Variants in AGO4 observed in about 807,000 individuals in gnomAD.
AGO4 encodes protein argonaute-4.
In AGO4, 33 loss-of-function variants were observed where a neutral mutation model predicts 104.7. The observed-to-expected ratio is 0.32, with a 90% confidence interval of 0.24 to 0.42. AGO4 has a LOEUF of 0.42. Ranked by LOEUF, AGO4 falls within the 10% of genes least tolerant of loss-of-function variation. AGO4 has a pLI of 1.00. For synonymous variants in AGO4, 331 were observed against 364.7 expected (o/e 0.91, Z 1.05); for missense variants, 711 against 1,083.4 (o/e 0.66, Z 4.83).
At chr1:35,824,809 C>A (rs77094862) in intron 3 of AGO4, among the ~76,000 whole-genome samples, 2,288 of 152,144 alleles carry the variant, frequency 0.015, 50 homozygotes, top group African/African-American at 0.05. Flanking sequence ...TCAAAAAAAA[C>A]TTATGATGTT....
At chr1:35,814,171 AAG>A (rs1350813129) in intron 1 of AGO4, among the ~76,000 whole-genome samples, 3 of 151,814 alleles carry the variant, frequency 2.0e-5, no homozygotes, top group Non-Finnish European at 4.4e-5. Context: ...AGGAGAGAGA[AAG>A]AAAGATAATT....
chr1:35,816,140 A>G (rs760524752), intron 1 of AGO4, among the ~76,000 whole-genome samples: 4 of 152,200 alleles, frequency 2.6e-5, no homozygotes, highest in African/African-American at 9.7e-5. Context: ...ATCTTCTCCT[A>G]TATGTACAAT....
intron 1 of AGO4, among the ~76,000 whole-genome samples, chr1:35,813,397 A>C (rs532333994): frequency 4.0e-5 from 6 of 151,040 alleles, no homozygotes; most frequent in Admixed American, 4.0e-4. Context: ...TGACAGAGCG[A>C]GACTCCATCT....
At chr1:35,835,664 A>G (rs1476926466) in intron 12 of AGO4, among the ~76,000 whole-genome samples, 170 bp from the exon 13 acceptor site, 1 of 152,078 alleles carries the variant, frequency 6.6e-6, no homozygotes, top group Non-Finnish European at 1.5e-5. Flanking sequence ...ACACAGGGGG[A>G]AAAATTGCCC....
At chr1:35,850,354 T>A in intron 16 of AGO4, 96 bp downstream of exon 16, 1 of 910,456 alleles carries the variant, frequency 1.1e-6, no homozygotes, top group Non-Finnish European at 1.8e-6. Context: ...ACACCGTGCC[T>A]AACTTTGTTA....
At chr1:35,823,085 G>C (rs1386736859) in intron 3 of AGO4, 103 bp downstream of exon 3, 1 of 1,380,484 alleles carries the variant, frequency 7.2e-7, no homozygotes, top group African/African-American at 1.4e-5. Flanking sequence ...ATAAATGTTT[G>C]AGGTGATGAT....
chr1:35,812,670 C>T (rs890940130), intron 1 of AGO4, among the ~76,000 whole-genome samples: 1 of 152,106 alleles, frequency 6.6e-6, no homozygotes, highest in African/African-American at 2.4e-5. Context: ...CGGCTCACTG[C>T]AACCTGCACC....
At position 35,825,824 on chromosome 1, in the gene AGO4, G is replaced by C; in HGVS notation, c.625+9G>C. On this transcript the variant is annotated intron_variant, in intron 5 of 17. Coordinates refer to ENST00000373210, the MANE Select transcript of AGO4 (RefSeq NM_017629.4). Reference sequence around the variant, plus strand: ...GATGCTCAACATTGATGGTAGGATGGAACTCTCTTTATCCAATAACTCTTT... The same window carrying C: ...GATGCTCAACATTGATGGTAGGATGCAACTCTCTTTATCCAATAACTCTTT... 6.3e-7 allele frequency: 1 copy of C among 1,584,702 alleles called. No individual in the cohort carries two copies. The highest frequency in any genetic ancestry group is 8.6e-7 in the Non-Finnish European group (1 of 1,167,204).
chr1:35,826,290 A>G lies in AGO4; in HGVS notation c.760+230A>G, dbSNP rs571809564. On this transcript the variant is annotated intron_variant, in intron 6 of 17. Coordinates refer to ENST00000373210, the MANE Select transcript of AGO4 (RefSeq NM_017629.4). ...GTGAGAATTAAATGCAATTAGGCTT[A>G]TAAAGCTTTCTAGCATAGTACCTGT... Among the ~76,000 whole-genome samples the G allele has an allele frequency of 1.4e-4, 21 of 152,378 alleles. No homozygotes were observed. In the East Asian group the frequency reaches 4.0e-3, roughly 29 times the overall value.
At chr1:35,813,482 C>T (rs1304666492) in intron 1 of AGO4, among the ~76,000 whole-genome samples, 5 of 151,346 alleles carry the variant, frequency 3.3e-5, no homozygotes, top group East Asian at 3.9e-4. Flanking sequence ...GTCAGCTGGG[C>T]GTGGTGGCTC....
intron 17 of AGO4, among the ~76,000 whole-genome samples, chr1:35,852,898 T>C (rs1415119033): frequency 6.6e-6 from 1 of 152,180 alleles, no homozygotes; most frequent in Non-Finnish European, 1.5e-5. Context: ...ATATGGATAC[T>C]GTTAAGGATT....
At chr1:35,809,388 A>G (rs1460854261) in intron 1 of AGO4, among the ~76,000 whole-genome samples, 3 of 152,200 alleles carry the variant, frequency 2.0e-5, no homozygotes, top group Non-Finnish European at 2.9e-5. Flanking sequence ...CTTTACCTAC[A>G]TAATGAACTT....
intron 7 of AGO4, among the ~76,000 whole-genome samples, chr1:35,829,588 G>T (rs1002181009): frequency 1.3e-5 from 2 of 152,038 alleles, no homozygotes; most frequent in Admixed American, 1.3e-4. Context: ...CTAAATCCCA[G>T]CATTTTGGGA....
At chr1:35,813,879 G>T (rs1252692264) in intron 1 of AGO4, among the ~76,000 whole-genome samples, 11 of 151,934 alleles carry the variant, frequency 7.2e-5, no homozygotes, top group Admixed American at 6.6e-4. Context: ...TTTGAGACCA[G>T]CCTGGCCAAT....
chr1:35,813,067 A>G (rs1643561365), intron 1 of AGO4, among the ~76,000 whole-genome samples: 1 of 152,130 alleles, frequency 6.6e-6, no homozygotes, highest in East Asian at 1.9e-4. Context: ...AATTGTATTG[A>G]TAGGTCCTCT....
chr1:35,822,877 A>G lies in AGO4; in HGVS notation c.201A>G (p.Thr67=). ...TACTGTGAAGGGAGGTAGTAGATAC[A>G]ATGGTGCGGCACTTCAAGATGCAAA... The part of the protein sequence containing the change: ...PRRVNREVVD[T]MVRHFKMQIF... The change falls in exon 3 of 18, where the codon ACA becomes ACG. Residue 67 remains threonine, a synonymous_variant. Coordinates refer to ENST00000373210, the MANE Select transcript of AGO4 (RefSeq NM_017629.4). The G allele has an allele frequency of 3.1e-6, 5 of 1,614,086 alleles. No homozygotes were observed. Among genetic ancestry groups the G allele is most frequent in the Non-Finnish European group, 4.2e-6 (5 of 1,179,990 alleles).
Position 35,808,361 on chromosome 1 carries a change from C to CGGA in AGO4, c.-54_-53insAGG. ...TACGCGGCGGCGGCGGCGGCGGCGG[C>CGGA]GGGGCCCGGAGCGGGAGGCGCCGGG... On this transcript the variant is annotated 5_prime_UTR_variant, in exon 1 of 18. Coordinates refer to ENST00000373210, the MANE Select transcript of AGO4 (RefSeq NM_017629.4). The surrounding 1 kb of genome is among the most constrained non-coding windows in gnomAD (Gnocchi z 5.2). 5.1e-6 allele frequency: 5 copies of CGGA among 974,366 alleles called. No homozygotes were observed. The highest frequency in any genetic ancestry group is 6.1e-6 in the Non-Finnish European group (5 of 813,640). The allele number at this position is 974,366 out of a possible 1,614,324, so 60.4% of individuals were successfully genotyped here. A position where few individuals can be genotyped will look rare whatever the true frequency, so the allele number is the denominator to read the frequency against.
intron 1 of AGO4, among the ~76,000 whole-genome samples, chr1:35,814,536 A>G (rs770452543): frequency 3.6e-5 from 5 of 138,912 alleles, no homozygotes; most frequent in Non-Finnish European, 6.0e-5. Flanking sequence ...ATTCCCATCT[A>G]TGAGTGAGAA....
chr1:35,852,425 T>G (rs963342399), intron 17 of AGO4, among the ~76,000 whole-genome samples: 3 of 152,202 alleles, frequency 2.0e-5, no homozygotes, highest in Admixed American at 6.5e-5. Context: ...AAGTTGTTGT[T>G]GTTACTCCGA....
Sources: gnomAD v4.1 joint callset for allele counts (sites outside exome capture counted in the v4.1 genomes callset) on GRCh38, gnomAD v4.1.1 for gene constraint, Gnocchi (gnomAD v3.1) non-coding constraint, MANE v1.5 for transcripts, NCBI Gene and HGNC (gene_info 2026-07-23, HGNC 2026-07-21) for gene names.